The following LARGE1 variants were observed in gnomAD, a reference collection of about 807,000 sequenced individuals.
The protein encoded by LARGE1 is xylosyl- and glucuronyltransferase LARGE1.
LARGE1 carries 43 observed loss-of-function variants against 87.6 expected under a neutral mutation model. That is an observed-to-expected ratio of 0.49 (90% CI 0.38 to 0.63). LARGE1 has a LOEUF of 0.63. LARGE1 is among the 30% of genes least tolerant of loss of function. LARGE1 has a pLI of 0.00. For synonymous variants in LARGE1, 434 were observed against 394.6 expected (o/e 1.10, Z -1.18); for missense variants, 802 against 1,000.2 (o/e 0.80, Z 2.67).
chr22:33,359,203 CAGG>C (rs2064289974), intron 9 of LARGE1, among the ~76,000 whole-genome samples: 3 of 152,048 alleles, frequency 2.0e-5, no homozygotes, highest in African/African-American at 7.2e-5. Flanking sequence ...AAAATATTTT[CAGG>C]TAGAAACTCA....
chr22:33,174,911 G>A lies in LARGE1; in HGVS notation c.1731-8079C>T, dbSNP rs548010415. 7.9e-4 allele frequency among the ~76,000 whole-genome samples: 121 copies of A among 152,258 alleles called. 1 individual carries two copies. The highest frequency in any genetic ancestry group is 1.5e-3 in the Non-Finnish European group (100 of 68,020). ...TGAATTGTACCAGAGGTACAAAGAG[G>A]AGCTGGTACCATTCCTTCTAAAGCT... On this transcript the variant is annotated intron_variant, in intron 11 of 11. Transcript: ENST00000608642.
At chr22:33,881,298 G>A (rs2064676776) in intron 1 of LARGE1, among the ~76,000 whole-genome samples, 1 of 152,142 alleles carries the variant, frequency 6.6e-6, no homozygotes, top group Admixed American at 6.5e-5. Context: ...GCGGGCCCTG[G>A]TGCCCCCAGA....
At chr22:33,689,589 T>C (rs776557746) in intron 2 of LARGE1, among the ~76,000 whole-genome samples, 7 of 151,646 alleles carry the variant, frequency 4.6e-5, no homozygotes, top group Non-Finnish European at 8.8e-5. Context: ...GAAGAAGAGA[T>C]AGGCAAAATG....
intron 9 of LARGE1, among the ~76,000 whole-genome samples, chr22:33,364,368 T>G (rs2064507299): frequency 6.6e-6 from 1 of 152,158 alleles, no homozygotes; most frequent in African/African-American, 2.4e-5. Context: ...ATTTTCATTC[T>G]TTTTCTCCGC....
intron 4 of LARGE1, among the ~76,000 whole-genome samples, chr22:33,617,648 A>C (rs1332511794): frequency 6.6e-6 from 1 of 152,192 alleles, no homozygotes; most frequent in Non-Finnish European, 1.5e-5. Context: ...GCTTGGGTAC[A>C]CATCTTAATA....
intron 2 of LARGE1, among the ~76,000 whole-genome samples, chr22:33,709,751 G>C (rs5994789): frequency 0.024 from 3,676 of 150,956 alleles, 135 homozygotes; most frequent in African/African-American, 0.083. Context: ...TCAGCCTCCC[G>C]AGTAGCTGGG....
intron 1 of LARGE1, among the ~76,000 whole-genome samples, chr22:33,855,571 C>T (rs1191916192): frequency 6.6e-5 from 10 of 152,162 alleles, no homozygotes; most frequent in Admixed American, 5.9e-4. Context: ...ATGCCACATT[C>T]CAGCCAAGAT....
chr22:33,876,424 G>A (rs1293652796), intron 1 of LARGE1, among the ~76,000 whole-genome samples: 1 of 152,142 alleles, frequency 6.6e-6, no homozygotes, highest in Admixed American at 6.6e-5. Context: ...TCTTGTTCTG[G>A]GAGCTGGTGA....
At chr22:33,837,931 G>A (rs1280151723) in intron 1 of LARGE1, among the ~76,000 whole-genome samples, 1 of 152,218 alleles carries the variant, frequency 6.6e-6, no homozygotes, top group Non-Finnish European at 1.5e-5. Context: ...ATTTTTATGT[G>A]TAAGGTGAGA....
intron 2 of LARGE1, among the ~76,000 whole-genome samples, chr22:33,755,865 T>C (rs992691196): frequency 6.6e-6 from 1 of 152,120 alleles, no homozygotes; most frequent in Non-Finnish European, 1.5e-5. Flanking sequence ...AACTCATAGG[T>C]AAGTGGTTAG....
intron 11 of LARGE1, among the ~76,000 whole-genome samples, chr22:33,241,360 A>G (rs1282067698): frequency 2.0e-5 from 3 of 152,184 alleles, no homozygotes; most frequent in African/African-American, 7.2e-5. Context: ...CTCTCATGAC[A>G]ACAGTTGGCA....
chr22:33,686,517 T>C (rs1660859831), intron 2 of LARGE1, among the ~76,000 whole-genome samples: 1 of 133,352 alleles, frequency 7.5e-6, no homozygotes, highest in African/African-American at 2.9e-5. Context: ...TACTCCAGCC[T>C]GGGCAACAGG....
At chr22:33,318,506 A>G (rs1056262654) in intron 10 of LARGE1, among the ~76,000 whole-genome samples, 1 of 151,726 alleles carries the variant, frequency 6.6e-6, no homozygotes, top group Non-Finnish European at 1.5e-5. Context: ...AATCCAATCT[A>G]TCACTGTTGG....
rs1023429038 is a variant in LARGE1 at position 33,381,961 on chromosome 22, G to A, written c.1089C>T (p.His363=). 6.2e-7 allele frequency: 1 copy of A among 1,614,106 alleles called. No individual in the cohort carries two copies. The highest frequency in any genetic ancestry group is 1.3e-5 in the African/African-American group (1 of 75,024). Residue 363 remains histidine (H), a synonymous_variant, in exon 9 of 15, where the codon CAC becomes CAT. Transcript: ENST00000397394. ...PCFWNVQLSD[H]TRSEQCYRDV... ...CTCTGTAGCACTGCTCGGAGCGGGT[G>A]TGGTCTGACAGCTGCACATTCCAGA...
At chr22:33,744,778 A>C (rs946075896) in intron 2 of LARGE1, among the ~76,000 whole-genome samples, 5 of 152,154 alleles carry the variant, frequency 3.3e-5, no homozygotes, top group African/African-American at 1.2e-4. Flanking sequence ...CATAGAAAGG[A>C]GGGAGGAGAA....
intron 2 of LARGE1, among the ~76,000 whole-genome samples, chr22:33,702,715 C>T (rs2082435962): frequency 6.6e-6 from 1 of 152,176 alleles, no homozygotes. Flanking sequence ...TTATCCTGGG[C>T]ATCCATCAAA....
At chr22:33,424,398 C>T (rs1453644242) in intron 7 of LARGE1, among the ~76,000 whole-genome samples, 1 of 152,134 alleles carries the variant, frequency 6.6e-6, no homozygotes, top group Admixed American at 6.5e-5. Flanking sequence ...AGAATTCCTA[C>T]CTATGGACAG....
At chr22:33,326,204 C>A (rs1380076177) in intron 10 of LARGE1, among the ~76,000 whole-genome samples, 1 of 152,190 alleles carries the variant, frequency 6.6e-6, no homozygotes, top group African/African-American at 2.4e-5. Context: ...GTCTGCCCAG[C>A]CCTGACCTCG....
At position 33,316,260 on chromosome 22, in the gene LARGE1, G is replaced by A. The variant is rs1936148045; in HGVS notation, c.1288-12C>T. The stretch of plus-strand genomic sequence containing the variant: ...AGCTGCTTCTGGAGCTGCAGGGTAG[G>A]AGAGAGGGCTTGGGCACGTGAAGAA... On this transcript the variant is annotated splice_polypyrimidine_tract_variant and intron_variant, in intron 10 of 14. Transcript: ENST00000397394. 6.2e-7 allele frequency: 1 copy of A among 1,612,864 alleles called. No individual in the cohort carries two copies. Among genetic ancestry groups the A allele is most frequent in the Non-Finnish European group, 8.5e-7 (1 of 1,179,840 alleles).
Sources: gnomAD v4.1 joint callset for allele counts (sites outside exome capture counted in the v4.1 genomes callset) on GRCh38, gnomAD v4.1.1 for gene constraint, MANE v1.5 for transcripts, NCBI Gene and HGNC (gene_info 2026-07-23, HGNC 2026-07-21) for gene names.